Variants in PPFIA2 observed in about 807,000 individuals in gnomAD.
PPFIA2 encodes the protein liprin-alpha-2.
In PPFIA2, 46 loss-of-function variants were observed where a neutral mutation model predicts 175.5. The observed-to-expected ratio is 0.26, with a 90% CI of 0.21 to 0.34. The LOEUF is 0.34. Among genes scored for constraint, PPFIA2 ranks in the 10% least tolerant of loss-of-function variants. The probability of loss-of-function intolerance (pLI) is 1.00; values close to 1 mark genes in which losing one functional copy is unlikely to be tolerated. For missense variants in PPFIA2, 1,179 were observed against 1,506.1 expected (o/e 0.78, Z 3.60); for synonymous variants, 568 against 511.4 (o/e 1.11, Z -1.49).
chr12:81,722,486 C>T (rs938039862), intron 3 of PPFIA2, among the ~76,000 whole-genome samples: 1 of 151,066 alleles, frequency 6.6e-6, no homozygotes, highest in East Asian at 1.9e-4. Context: ...GGTAGTTATG[C>T]TTTTGTAGTT....
At chr12:81,503,277 T>A (rs183133526) in intron 4 of PPFIA2, among the ~76,000 whole-genome samples, 124 of 152,216 alleles carry the variant, frequency 8.1e-4, no homozygotes, top group African/African-American at 2.9e-3. Context: ...CAAATAGTCC[T>A]TCACTATTCC....
intron 24 of PPFIA2, among the ~76,000 whole-genome samples, chr12:81,291,873 A>T (rs909340117): frequency 6.6e-6 from 1 of 152,218 alleles, no homozygotes; most frequent in Non-Finnish European, 1.5e-5. Context: ...ACTGACCAAA[A>T]GGAAAGATGT....
In PPFIA2 at chr12:81,341,163, T is replaced by G. The variant is rs888229588; in HGVS notation, c.2308A>C (p.Lys770Gln). 1 of 1,612,242 alleles carries G rather than the reference T, an allele frequency of 6.2e-7. No homozygotes were observed. The highest frequency in any genetic ancestry group is 8.5e-7 in the Non-Finnish European group (1 of 1,178,734). The change falls in exon 20 of 33, where the codon AAA becomes CAA. Residue 770 changes from lysine to glutamine, a missense_variant. Physicochemically the swap from Lys to Gln is moderately conservative, Grantham distance 53. Around this residue, in one of 10 missense-constraint regions of PPFIA2, gnomAD observed 223 missense variants for 241.6 expected, o/e 0.92. Coordinates refer to ENST00000549396, the MANE Select transcript of PPFIA2 (RefSeq NM_003625.5). ...EDGREDKATI[K>Q]CETSPPPTPR... is the part of the protein sequence containing the mutation. ...GTAGGAGGAGGAGAAGTTTCACATT[T>G]AATTGTTGCTTTGTCCTCTCGACCA... is the stretch of plus-strand genomic sequence containing the variant.
intron 5 of PPFIA2, among the ~76,000 whole-genome samples, chr12:81,453,187 T>C (rs1039500550): frequency 1.6e-5 from 2 of 125,050 alleles, no homozygotes; most frequent in African/African-American, 6.2e-5. Context: ...GATATTCCCC[T>C]TCCTGTGTCC....
intron 22 of PPFIA2, among the ~76,000 whole-genome samples, chr12:81,314,761 G>T (rs1319944540): frequency 6.6e-6 from 1 of 151,854 alleles, no homozygotes; most frequent in African/African-American, 2.4e-5. Flanking sequence ...ATTGACTCTT[G>T]CTTTGTAAAG....
At chr12:81,572,810 G>A (rs2072804585) in intron 4 of PPFIA2, among the ~76,000 whole-genome samples, 1 of 151,874 alleles carries the variant, frequency 6.6e-6, no homozygotes, top group Non-Finnish European at 1.5e-5. Context: ...AAGAAGGCGA[G>A]CCTGAGATAG....
At chr12:81,595,700 T>A (rs1365954245) in intron 4 of PPFIA2, among the ~76,000 whole-genome samples, 1 of 152,176 alleles carries the variant, frequency 6.6e-6, no homozygotes. Flanking sequence ...ACTAAGAATA[T>A]CCTTCAACTT....
At chr12:81,657,658 T>C (rs937663478) in intron 4 of PPFIA2, among the ~76,000 whole-genome samples, 1 of 152,174 alleles carries the variant, frequency 6.6e-6, no homozygotes, top group East Asian at 1.9e-4. Context: ...CTAAATAAAT[T>C]TGGCAATTAA....
At chr12:81,696,751 C>G (rs1033590178) in intron 3 of PPFIA2, among the ~76,000 whole-genome samples, 3 of 151,924 alleles carry the variant, frequency 2.0e-5, no homozygotes, top group Non-Finnish European at 4.4e-5. Flanking sequence ...GAATTCTTCA[C>G]CCAGTAAAGG....
At chr12:81,728,415 C>T (rs1596925835) in intron 3 of PPFIA2, among the ~76,000 whole-genome samples, 1 of 151,408 alleles carries the variant, frequency 6.6e-6, no homozygotes, top group Non-Finnish European at 1.5e-5. Context: ...CAGTCTCACT[C>T]CCCACTTTCA....
At chr12:81,506,135 A>G (rs2061144605) in intron 4 of PPFIA2, 1 of 152,226 alleles carries the variant, frequency 6.6e-6, no homozygotes, top group African/African-American at 2.4e-5. Flanking sequence ...CAGAATGAGG[A>G]TGTCAGAAGT....
At chr12:81,404,085 T>A (rs1296524102) in intron 8 of PPFIA2, among the ~76,000 whole-genome samples, 2 of 152,140 alleles carry the variant, frequency 1.3e-5, no homozygotes, top group African/African-American at 4.8e-5. Context: ...CTGTATGGAT[T>A]TGCTGCTGCT....
chr12:81,287,482 A>G (rs1404623042), intron 24 of PPFIA2, among the ~76,000 whole-genome samples: 1 of 151,914 alleles, frequency 6.6e-6, no homozygotes, highest in African/African-American at 2.4e-5. Flanking sequence ...ATGACTGGCA[A>G]ACTTTCAGAA....
chr12:81,669,731 G>A (rs1596245065), intron 4 of PPFIA2, among the ~76,000 whole-genome samples: 2 of 151,878 alleles, frequency 1.3e-5, no homozygotes, highest in Admixed American at 1.3e-4. Flanking sequence ...GGACAGCAAT[G>A]GCTAGTGCAG....
At chr12:81,279,031 A>G (rs2041375557) in intron 27 of PPFIA2, among the ~76,000 whole-genome samples, 2 of 152,194 alleles carry the variant, frequency 1.3e-5, no homozygotes, top group East Asian at 1.9e-4. Flanking sequence ...GGAAGCGCTA[A>G]TTCTCAGTAC....
chr12:81,689,356 G>A (rs1228313167), intron 3 of PPFIA2, among the ~76,000 whole-genome samples: 4 of 151,870 alleles, frequency 2.6e-5, no homozygotes, highest in African/African-American at 9.7e-5. Context: ...ACAAGAAATA[G>A]CAAAAGAACA....
chr12:81,376,156 T>C (rs2036310233), intron 9 of PPFIA2, among the ~76,000 whole-genome samples: 1 of 152,202 alleles, frequency 6.6e-6, no homozygotes, highest in Non-Finnish European at 1.5e-5. Flanking sequence ...CCAAAAGCTT[T>C]CTGCTGTCTA....
intron 4 of PPFIA2, among the ~76,000 whole-genome samples, chr12:81,643,171 T>C (rs4564408): frequency 0.46 from 69,631 of 150,724 alleles, 17,480 homozygotes; most frequent in Middle Eastern, 0.59. Flanking sequence ...AAATAAAATA[T>C]ACTATCATTC....
intron 3 of PPFIA2, among the ~76,000 whole-genome samples, chr12:81,710,663 T>C (rs928800689): frequency 2.1e-5 from 3 of 140,182 alleles, no homozygotes; most frequent in African/African-American, 7.9e-5. Flanking sequence ...AAAATTCATT[T>C]ATGTTTCATA....
Sources: allele counts gnomAD v4.1 joint callset (sites outside exome capture counted in the v4.1 genomes callset), GRCh38; gene constraint gnomAD v4.1.1; regional missense constraint gnomAD v4.1.1; transcripts MANE v1.5; gene names NCBI Gene and HGNC (gene_info 2026-07-23, HGNC 2026-07-21).